The following COL22A1 variants were observed in gnomAD, a reference collection of about 807,000 sequenced individuals.
COL22A1 encodes the protein collagen alpha-1(XXII) chain.
Under a neutral mutation model 248.9 loss-of-function variants are expected in COL22A1, and 221 were observed. The ratio of observed to expected loss-of-function variants is 0.89; its 90% CI spans 0.80 to 0.99. The LOEUF (loss-of-function observed/expected upper bound fraction) is 0.99. Among genes scored for constraint, COL22A1 ranks in the 50% least tolerant of loss-of-function variants. The probability of loss-of-function intolerance (pLI) is 0.00; values close to 1 mark genes in which losing one functional copy is unlikely to be tolerated. For synonymous variants in COL22A1, 891 were observed against 793.4 expected, an observed-to-expected ratio of 1.12 and a Z score of -2.07; for missense variants, 2,240 against 2,179.0, an observed-to-expected ratio of 1.03 and a Z score of -0.56.
chr8:138,680,328 C>T (rs911864596), intron 39 of COL22A1, among the ~76,000 whole-genome samples: 4 of 152,304 alleles, frequency 2.6e-5, no homozygotes, highest in Middle Eastern at 3.4e-3. Flanking sequence ...ACACTCTTTA[C>T]TCCTTCATAC....
At chr8:138,655,993 T>C in intron 44 of COL22A1, 49 bp from the exon 45 acceptor site, 1 of 1,436,216 alleles carries the variant, frequency 7.0e-7, no homozygotes, top group Non-Finnish European at 9.7e-7. Flanking sequence ...ATATATACAA[T>C]AAATCCCAGG....
At chr8:138,594,449 G>C (rs745645231) in intron 62 of COL22A1, among the ~76,000 whole-genome samples, 1 of 152,174 alleles carries the variant, frequency 6.6e-6, no homozygotes, top group African/African-American at 2.4e-5. Context: ...GCTGGCCATG[G>C]GGTGACTTAA....
intron 1 of COL22A1, among the ~76,000 whole-genome samples, chr8:138,885,324 G>T (rs1209594424): frequency 3.9e-5 from 6 of 152,110 alleles, no homozygotes; most frequent in African/African-American, 1.4e-4. Context: ...TGTTACACCT[G>T]ATCTCAGCCA....
At chr8:138,837,992 G>A (rs1820564997) in intron 4 of COL22A1, among the ~76,000 whole-genome samples, 1 of 152,106 alleles carries the variant, frequency 6.6e-6, no homozygotes, top group South Asian at 2.1e-4. Context: ...GCACCTGGGA[G>A]TTCTTGAGGT....
At chr8:138,750,397 C>A (rs1412784247) in intron 22 of COL22A1, among the ~76,000 whole-genome samples, 1 of 152,170 alleles carries the variant, frequency 6.6e-6, no homozygotes, top group Non-Finnish European at 1.5e-5. Context: ...TCGAAGTTAA[C>A]CAGTGGGTAA....
intron 56 of COL22A1, among the ~76,000 whole-genome samples, chr8:138,612,525 A>G (rs766591888): frequency 8.5e-5 from 13 of 152,166 alleles, no homozygotes; most frequent in Admixed American, 2.0e-4. Context: ...GTTCCTCTGA[A>G]TGTGACCGAA....
chr8:138,701,454 T>C (rs1827962915), intron 31 of COL22A1, among the ~76,000 whole-genome samples: 1 of 152,216 alleles, frequency 6.6e-6, no homozygotes, highest in Non-Finnish European at 1.5e-5. Flanking sequence ...GCTTCCTATA[T>C]CTTGCCCTCC....
At position 138,770,474 on chromosome 8, in the gene COL22A1, G is replaced by A. The variant is rs548117932; in HGVS notation, c.1803+5492C>T. Among the ~76,000 whole-genome samples, 3 of 152,336 alleles carry A rather than the reference G, an allele frequency of 2.0e-5. No individual in the cohort carries two copies. The South Asian group carries it at 6.2e-4, about 32-fold the overall frequency. Reference sequence around the variant, plus strand: ...CCCCCAGATGAAGGGCCGTCTCCCTGCTTTACAGGGAATGCCCTGCCCTGG... The same window carrying A: ...CCCCCAGATGAAGGGCCGTCTCCCTACTTTACAGGGAATGCCCTGCCCTGG... On this transcript the variant is annotated intron_variant, in intron 16 of 64. Transcript: ENST00000303045.
intron 47 of COL22A1, among the ~76,000 whole-genome samples, chr8:138,642,014 C>T (rs769162978): frequency 3.9e-5 from 6 of 152,166 alleles, no homozygotes; most frequent in Non-Finnish European, 8.8e-5. Flanking sequence ...TAGACTGAGT[C>T]CTCAGAGGAC....
rs1827264004 is a variant in COL22A1, at chr8:138,693,688, T to C, written c.2712A>G (p.Gly904=). The C allele has an allele frequency of 6.3e-7, 1 of 1,578,350 alleles. No individual in the cohort carries two copies. The highest frequency in any genetic ancestry group is 8.6e-7 in the Non-Finnish European group (1 of 1,161,676). ...QGPTGPPGAK[G]QEGAHGAPGA... is the part of the protein sequence containing the mutation. ...CAGGAGCCCCATGTGCACCTTCCTG[T>C]CCCTTGGCACCCTGCACAGGAAATA... The change falls in exon 35 of 65, where the codon GGA becomes GGG. Residue 904 remains glycine (G), a synonymous_variant. Coordinates refer to ENST00000303045, the MANE Select transcript of COL22A1 (RefSeq NM_152888.3).
In COL22A1 at chr8:138,872,288, G is replaced by C. The variant is rs183294571; in HGVS notation, c.658+5462C>G. 3.4e-3 allele frequency among the ~76,000 whole-genome samples: 515 copies of C among 152,254 alleles called. 10 individuals are homozygous for C. The highest frequency in any genetic ancestry group is 0.028 in the Admixed American group (431 of 15,288). On this transcript the variant is annotated intron_variant, in intron 3 of 64. Transcript: ENST00000303045. Reference sequence around the variant, plus strand: ...ACACATCCACAACAGGGTGGGAGAGGGGGAGGGGATGACCACACATCCGGA... The same window carrying C: ...ACACATCCACAACAGGGTGGGAGAGCGGGAGGGGATGACCACACATCCGGA...
intron 35 of COL22A1, among the ~76,000 whole-genome samples, chr8:138,691,249 A>G (rs1182609068): frequency 2.0e-5 from 3 of 152,254 alleles, no homozygotes; most frequent in African/African-American, 7.2e-5. Flanking sequence ...GGAAACATTG[A>G]AAAATGAACA....
intron 34 of COL22A1, among the ~76,000 whole-genome samples, chr8:138,693,954 TGTAGCTCAGAGGG>T (rs1827289473): frequency 6.6e-6 from 1 of 152,008 alleles, no homozygotes; most frequent in African/African-American, 2.4e-5. Flanking sequence ...TCTGTAGAAA[TGTAGCTCAGAGGG>T]GCTCACACAG....
At chr8:138,619,569 G>A in intron 52 of COL22A1, 61 bp from the exon 53 acceptor site, 1 of 1,501,944 alleles carries the variant, frequency 6.7e-7, no homozygotes, top group Non-Finnish European at 9.3e-7. Flanking sequence ...TCCTATTCCT[G>A]GCTCTCTGTG....
At chr8:138,799,295 T>C (rs1462310530) in intron 11 of COL22A1, among the ~76,000 whole-genome samples, 1 of 152,216 alleles carries the variant, frequency 6.6e-6, no homozygotes, top group African/African-American at 2.4e-5. Flanking sequence ...AGGCTTTGTC[T>C]GTTAAATCCG....
Position 138,779,541 on chromosome 8 carries a change from C to A in COL22A1, c.1672G>T (p.Glu558Ter), listed in dbSNP as rs1302816643. The A allele has an allele frequency of 6.2e-7, 1 of 1,613,500 alleles. No individual in the cohort carries two copies. The highest frequency in any genetic ancestry group is 8.5e-7 in the Non-Finnish European group (1 of 1,179,424). The change falls in exon 14 of 65, where the codon GAG becomes TAG. Residue 558 changes from glutamate to a stop codon, truncating the protein, a stop_gained. Transcript: ENST00000303045. LOFTEE classifies it high-confidence loss of function. ...GMRGEPGELG[E>*]PGLPGEVGMR... ...CCGACCTCACCCGGCAGCCCCGGCTCTCCCAGCTCTCCTGGCTCCCCCTGA... is the reference window on the plus strand; with the variant it reads ...CCGACCTCACCCGGCAGCCCCGGCTATCCCAGCTCTCCTGGCTCCCCCTGA...
At chr8:138,634,966 A>G (rs1052783148) in intron 49 of COL22A1, 44 bp downstream of exon 49, 13 of 1,334,718 alleles carry the variant, frequency 9.7e-6, no homozygotes, top group Non-Finnish European at 1.3e-5. Context: ...TGTGCATTCA[A>G]ATGTCAAGGC....
intron 1 of COL22A1, among the ~76,000 whole-genome samples, chr8:138,905,357 A>G (rs1269900491): frequency 6.6e-6 from 1 of 152,218 alleles, no homozygotes; most frequent in Admixed American, 6.5e-5. Context: ...CAAGACGGTA[A>G]GTGCATCTCA....
At chr8:138,659,821 G>A (rs965955186) in intron 44 of COL22A1, among the ~76,000 whole-genome samples, 7 of 152,126 alleles carry the variant, frequency 4.6e-5, no homozygotes, top group Non-Finnish European at 7.4e-5. Flanking sequence ...CCCCATCTCC[G>A]CAACCTTTCA....
Sources: gnomAD v4.1 joint callset for allele counts (sites outside exome capture counted in the v4.1 genomes callset) on GRCh38, gnomAD v4.1.1 for gene constraint, MANE v1.5 for transcripts, NCBI Gene and HGNC (gene_info 2026-07-23, HGNC 2026-07-21) for gene names.